EMILIN2: variants seen among roughly 807,000 people sequenced by gnomAD.
The protein encoded by EMILIN2 is elastin microfibril interfacer 2.
EMILIN2 carries 71 observed loss-of-function variants against 87.1 expected under a neutral mutation model. The ratio of observed to expected loss-of-function variants is 0.82; its 90% CI spans 0.67 to 0.99. EMILIN2 has a LOEUF of 0.99. EMILIN2 is among the 50% of genes least tolerant of loss of function. EMILIN2 has a pLI of 0.00. For synonymous variants in EMILIN2, 581 were observed against 563.4 expected (o/e 1.03, Z -0.44); for missense variants, 1,407 against 1,371.8 (o/e 1.03, Z -0.40).
intron 4 of EMILIN2, among the ~76,000 whole-genome samples, chr18:2,895,689 GTGTCAAGTAGTCAGACTATGGCGAC>G (rs1434353479): frequency 6.6e-6 from 1 of 152,210 alleles, no homozygotes; most frequent in Non-Finnish European, 1.5e-5. Flanking sequence ...CAGCATGGCG[GTGTCAAGTAGTCAGACTATGGCGAC>G]TGTCAAGGGA....
intron 2 of EMILIN2, among the ~76,000 whole-genome samples, chr18:2,873,733 T>A (rs186724743): frequency 6.6e-6 from 1 of 151,272 alleles, no homozygotes; most frequent in African/African-American, 2.4e-5. Context: ...TAAATAAAAA[T>A]TTAAAAAATG....
At position 2,848,839 on chromosome 18, in the gene EMILIN2, CG is replaced by C. The variant is rs1435827680; in HGVS notation, c.257+910del. On this transcript the variant is annotated intron_variant, in intron 2 of 7. Coordinates refer to ENST00000254528, the MANE Select transcript of EMILIN2 (RefSeq NM_032048.3). This position sits in a 1 kb window ranked among gnomAD's most constrained non-coding sequence, Gnocchi z 4.1. ...ATTACAGCAGAGAATAGTCAGTAGGCGGATCTGTCTTTGGCAAAACCAAGGG... is the reference window on the plus strand; with the variant it reads ...ATTACAGCAGAGAATAGTCAGTAGGCGATCTGTCTTTGGCAAAACCAAGGG... 1.3e-5 allele frequency among the ~76,000 whole-genome samples: 2 copies of C among 152,118 alleles called. No homozygotes were observed. The highest frequency in any genetic ancestry group is 4.8e-5 in the African/African-American group (2 of 41,408).
At chr18:2,858,575 G>GTATATA (rs1233576785) in intron 2 of EMILIN2, among the ~76,000 whole-genome samples, 1 of 65,510 alleles carries the variant, frequency 1.5e-5, no homozygotes, top group Non-Finnish European at 2.6e-5. Context: ...ATATATGTGT[G>GTATATA]TGTGTGTGTA....
At chr18:2,886,323 C>A (rs201312020) in intron 3 of EMILIN2, among the ~76,000 whole-genome samples, 2 of 152,088 alleles carry the variant, frequency 1.3e-5, no homozygotes, top group East Asian at 3.8e-4. Flanking sequence ...GGATTGTAAT[C>A]ATTTATTTTT....
chr18:2,911,016 G>A (rs1008748583), intron 7 of EMILIN2, among the ~76,000 whole-genome samples: 1 of 152,182 alleles, frequency 6.6e-6, no homozygotes, highest in Non-Finnish European at 1.5e-5. Context: ...CAGTACATCA[G>A]GGAAGGGGAA....
rs2076826727 is a variant in EMILIN2, at chr18:2,890,085, T to TA, written c.434-474dup. Among the ~76,000 whole-genome samples, 1 of 152,156 alleles carries TA rather than the reference T, an allele frequency of 6.6e-6. No homozygotes were observed. The highest frequency in any genetic ancestry group is 6.5e-5 in the Admixed American group (1 of 15,282). ...TCATATGATATCACCATCCAACAGC[T>TA]AATGGGTGGATCTTGCTAAAGTGGT... is the stretch of plus-strand genomic sequence containing the variant. On this transcript the variant is annotated intron_variant, in intron 3 of 7. Coordinates refer to ENST00000254528, the MANE Select transcript of EMILIN2 (RefSeq NM_032048.3). The surrounding 1 kb of genome is among the most constrained non-coding windows in gnomAD (Gnocchi z 4.7).
chr18:2,913,649 G>GTCAT lies in EMILIN2; in HGVS notation c.*245_*246insTCAT. On this transcript the variant is annotated 3_prime_UTR_variant, in exon 8 of 8. Coordinates refer to ENST00000254528, the MANE Select transcript of EMILIN2 (RefSeq NM_032048.3). ...CTCTAACTGGACAACTGGAAGACTT[G>GTCAT]GAAAGGCCTCCACCTGTATCTACAC... 8.3e-6 allele frequency: 4 copies of GTCAT among 482,444 alleles called. No individual in the cohort carries two copies. Among genetic ancestry groups the GTCAT allele is most frequent in the Non-Finnish European group, 1.1e-5 (3 of 272,190 alleles). The allele number at this position is 482,444 out of a possible 1,614,324, so 29.9% of individuals were successfully genotyped here.
At chr18:2,888,876 C>T (rs1043692976) in intron 3 of EMILIN2, among the ~76,000 whole-genome samples, 1 of 147,742 alleles carries the variant, frequency 6.8e-6, no homozygotes, top group Non-Finnish European at 1.5e-5. Flanking sequence ...ATAATAGCTG[C>T]TATTATGAGC....
chr18:2,908,670 T>C (rs565049355), intron 5 of EMILIN2, among the ~76,000 whole-genome samples: 2 of 152,350 alleles, frequency 1.3e-5, no homozygotes, highest in East Asian at 3.9e-4. Flanking sequence ...AAGGCTCCAG[T>C]GCCCATCTCT....
At chr18:2,876,207 T>C (rs2144006526) in intron 2 of EMILIN2, among the ~76,000 whole-genome samples, 1 of 151,782 alleles carries the variant, frequency 6.6e-6, no homozygotes, top group African/African-American at 2.4e-5. Context: ...GGTCTCGATC[T>C]CTTGACCTCG....
intron 2 of EMILIN2, among the ~76,000 whole-genome samples, chr18:2,851,917 T>C (rs576097403): frequency 6.6e-6 from 1 of 152,276 alleles, no homozygotes; most frequent in East Asian, 1.9e-4. Context: ...AGGAGGAAAC[T>C]GAGATGAGCC....
chr18:2,854,629 C>CA (rs369757611), intron 2 of EMILIN2, among the ~76,000 whole-genome samples: 2,003 of 152,068 alleles, frequency 0.013, 43 homozygotes, highest in African/African-American at 0.045. Context: ...CTTGTCTTTA[C>CA]AAAAAATAGA....
intron 2 of EMILIN2, among the ~76,000 whole-genome samples, chr18:2,873,888 G>T (rs1468874880): frequency 6.6e-6 from 1 of 152,072 alleles, no homozygotes; most frequent in Admixed American, 6.6e-5. Context: ...GTGTCCTGCG[G>T]CCTCCTAAGT....
chr18:2,851,468 G>T (rs576874707), intron 2 of EMILIN2, among the ~76,000 whole-genome samples: 10 of 152,204 alleles, frequency 6.6e-5, no homozygotes, highest in African/African-American at 2.4e-4. Context: ...GCCTATCTGG[G>T]GACAGAAGTA....
rs76661402 is a variant in EMILIN2, at chr18:2,894,603, G to A, written c.2359+2117G>A. ...CGTGGGAAGCTGTGTTAACATTTTC[G>A]CATTTGTCTGTTGCAGTAGGAGTTG... On this transcript the variant is annotated intron_variant, in intron 4 of 7. Transcript: ENST00000254528. The surrounding 1 kb of genome is among the most constrained non-coding windows in gnomAD (Gnocchi z 5.0). 0.058 allele frequency among the ~76,000 whole-genome samples: 8,835 copies of A among 152,198 alleles called. 744 individuals are homozygous for A. Among genetic ancestry groups the A allele is most frequent in the East Asian group, 0.33 (1,719 of 5,178 alleles).
rs148632051 is a variant in EMILIN2 at position 2,891,832 on chromosome 18, C to T, written c.1705C>T (p.Pro569Ser). 2.4e-4 allele frequency: 392 copies of T among 1,614,222 alleles called. No individual in the cohort carries two copies. Among genetic ancestry groups the T allele is most frequent in the Non-Finnish European group, 2.6e-4 (302 of 1,180,042 alleles). The change falls in exon 4 of 8, where the codon CCA becomes TCA. Residue 569 changes from proline to serine, a missense_variant. Physicochemically the swap from Pro to Ser is moderately conservative, Grantham distance 74 (BLOSUM62 -1). Transcript: ENST00000254528. This position sits in a 1 kb window ranked among gnomAD's most constrained non-coding sequence, Gnocchi z 4.6. ...GCCTCATGGGATGGAAGGTGCCTTG[C>T]CAAACAGGGAAGACCGCGCAGTACG... is the stretch of plus-strand genomic sequence containing the variant. ...GKPHGMEGAL[P>S]NREDRAVRDS... is the part of the protein sequence containing the mutation.
intron 6 of EMILIN2, among the ~76,000 whole-genome samples, chr18:2,909,233 G>A (rs1296764315): frequency 3.3e-5 from 5 of 152,188 alleles, no homozygotes; most frequent in African/African-American, 1.2e-4. Context: ...AGCTCATTGA[G>A]TTTCCCAAGG....
intron 2 of EMILIN2, among the ~76,000 whole-genome samples, chr18:2,884,147 G>A (rs1248529): frequency 0.24 from 36,304 of 152,050 alleles, 5,762 homozygotes; most frequent in Non-Finnish European, 0.33. Context: ...TAGTAGAGAC[G>A]GGGTTTCACC....
At chr18:2,889,692 C>CTTTTTTTTTTTTTTTTT (rs34248672) in intron 3 of EMILIN2, among the ~76,000 whole-genome samples, 52 of 96,492 alleles carry the variant, frequency 5.4e-4, no homozygotes, top group Non-Finnish European at 6.5e-4. Flanking sequence ...TTTTTCTTTT[C>CTTTTTTTTTTTTTTTTT]TTTTTTTTTT....
Sources: allele counts gnomAD v4.1 joint callset (sites outside exome capture counted in the v4.1 genomes callset), GRCh38; gene constraint gnomAD v4.1.1; non-coding constraint Gnocchi (gnomAD v3.1); transcripts MANE v1.5; gene names NCBI Gene and HGNC (gene_info 2026-07-23, HGNC 2026-07-21).